The following OXSR1 variants were observed in gnomAD, a reference collection of about 807,000 sequenced individuals.
The protein encoded by OXSR1 is oxidative stress responsive kinase 1, also known as serine/threonine-protein kinase OSR1.
A neutral mutation model predicts 79.8 loss-of-function variants in OXSR1; 24 were observed. The ratio of observed to expected loss-of-function variants is 0.30; its 90% CI spans 0.22 to 0.42. The LOEUF is 0.42. Ranked by LOEUF, OXSR1 falls within the 10% of genes least tolerant of loss-of-function variation. The pLI, the probability that OXSR1 is intolerant of heterozygous loss-of-function variation, is 1.00. For missense variants in OXSR1, 430 were observed against 618.4 expected, an observed-to-expected ratio of 0.70 and a Z score of 3.23; for synonymous variants, 226 against 209.2, an observed-to-expected ratio of 1.08 and a Z score of -0.69.
intron 8 of OXSR1, among the ~76,000 whole-genome samples, chr3:38,228,480 T>C (rs562974428): frequency 6.6e-6 from 1 of 152,310 alleles, no homozygotes; most frequent in East Asian, 1.9e-4. Flanking sequence ...GAATGCCTAT[T>C]GGAATTACCT....
intron 11 of OXSR1, among the ~76,000 whole-genome samples, chr3:38,237,347 C>T (rs949669006): frequency 7.2e-5 from 11 of 152,140 alleles, no homozygotes; most frequent in Non-Finnish European, 1.3e-4. Flanking sequence ...ATCTCTTATT[C>T]AGTTGGTATA....
chr3:38,244,000 G>A (rs903875287), intron 12 of OXSR1, among the ~76,000 whole-genome samples: 16 of 152,142 alleles, frequency 1.1e-4, no homozygotes, highest in Non-Finnish European at 1.8e-4. Context: ...GGATGATACC[G>A]AGCTTGTTAG....
chr3:38,181,506 C>A lies in OXSR1; in HGVS notation c.71-1497C>A, dbSNP rs1350883209. On this transcript the variant is annotated intron_variant, in intron 1 of 17. Transcript: ENST00000311806. ...GAGTAGCTGGGATTACAGGCACCCA[C>A]CACCACACCCAGCTAATTTTTGTAT... is the stretch of plus-strand genomic sequence containing the variant. 2.0e-5 allele frequency among the ~76,000 whole-genome samples: 3 copies of A among 151,910 alleles called. 1 individual carries two copies. Among genetic ancestry groups the A allele is most frequent in the Non-Finnish European group, 4.4e-5 (3 of 67,964 alleles).
rs141794705 is a variant in OXSR1 at position 38,190,775 on chromosome 3, A to G, written c.228A>G (p.Val76=). 109 of 1,609,508 alleles carry G rather than the reference A, an allele frequency of 6.8e-5. No homozygotes were observed. Among genetic ancestry groups the G allele is most frequent in the Middle Eastern group, 3.3e-4 (2 of 6,074 alleles). Residue 76 remains valine, a synonymous_variant, in exon 3 of 18, where the codon GTA becomes GTG. Transcript: ENST00000311806. ...GTCAATGCCATCATCCTAATATTGT[A>G]TCTTACTACACATCTTTTGTGGTAA... is the stretch of plus-strand genomic sequence containing the variant. The part of the protein sequence containing the change: ...AMSQCHHPNI[V]SYYTSFVVKD...
At chr3:38,174,864 G>A (rs1315574009) in intron 1 of OXSR1, among the ~76,000 whole-genome samples, 1 of 152,204 alleles carries the variant, frequency 6.6e-6, no homozygotes, top group Non-Finnish European at 1.5e-5. Flanking sequence ...ACAGGAGAGC[G>A]AGTGATGATT....
At position 38,254,114 on chromosome 3, in the gene OXSR1, C is replaced by T. The variant is rs1559532389; in HGVS notation, c.*1223C>T. ...CCGTTTCATAGTCTTTGTCTAACTG[C>T]TAGTAACCCTACCGAGTTTTATATA... is the stretch of plus-strand genomic sequence containing the variant. On this transcript the variant is annotated 3_prime_UTR_variant, in exon 18 of 18. Coordinates refer to ENST00000311806, the MANE Select transcript of OXSR1 (RefSeq NM_005109.3). The T allele has an allele frequency of 2.5e-6, 1 of 398,520 alleles. No homozygotes were observed. Among genetic ancestry groups the T allele is most frequent in the East Asian group, 3.6e-5 (1 of 28,062 alleles). The allele number at this position is 398,520 out of a possible 1,614,324, so 24.7% of individuals were successfully genotyped here.
At chr3:38,196,288 T>G (rs1702071019) in intron 3 of OXSR1, among the ~76,000 whole-genome samples, 1 of 152,212 alleles carries the variant, frequency 6.6e-6, no homozygotes. Flanking sequence ...CACCTTTCTC[T>G]TAGCTGACCT....
At chr3:38,209,008 G>T (rs1702330100) in intron 4 of OXSR1, among the ~76,000 whole-genome samples, 1 of 152,190 alleles carries the variant, frequency 6.6e-6, no homozygotes, top group South Asian at 2.1e-4. Context: ...GCGCGCATGT[G>T]CATGTTTGGT....
chr3:38,202,734 A>G (rs1387716939), intron 4 of OXSR1, among the ~76,000 whole-genome samples: 1 of 152,216 alleles, frequency 6.6e-6, no homozygotes, highest in Non-Finnish European at 1.5e-5. Flanking sequence ...TTGCATTACT[A>G]ATATAACTTA....
At position 38,244,666 on chromosome 3, in the gene OXSR1, T is replaced by TGC. The variant is rs1553639105; in HGVS notation, c.1111-1407_1111-1406dup. Among the ~76,000 whole-genome samples the TGC allele has an allele frequency of 2.4e-4, 34 of 143,956 alleles. No homozygotes were observed. In the East Asian group the frequency reaches 2.8e-3, roughly 12 times the overall value. 94.4% of individuals were successfully genotyped at this position (143,956 alleles called of 152,430 possible). On this transcript the variant is annotated intron_variant, in intron 12 of 17. Transcript: ENST00000311806. ...GTGTGTGTGTGTGTGTGTGTGTGTG[T>TGC]GCGTGCGCATGTACCACATTTTATT...
Position 38,178,147 on chromosome 3 carries a change from C to T in OXSR1, c.71-4856C>T, listed in dbSNP as rs1250346989. Among the ~76,000 whole-genome samples, 3 of 150,594 alleles carry T rather than the reference C, an allele frequency of 2.0e-5. No homozygotes were observed. The East Asian group carries it at 6.0e-4, about 30-fold the overall frequency. On this transcript the variant is annotated intron_variant, in intron 1 of 17. Coordinates refer to ENST00000311806, the MANE Select transcript of OXSR1 (RefSeq NM_005109.3). ...TATTGTTTTAATAGAGACAGGGATT[C>T]GCCATGTTGGCCAGGCTGGTCTCGA...
At chr3:38,181,452 T>C (rs1449364330) in intron 1 of OXSR1, among the ~76,000 whole-genome samples, 2 of 150,360 alleles carry the variant, frequency 1.3e-5, no homozygotes, top group African/African-American at 2.5e-5. Flanking sequence ...GCCTCCCAGG[T>C]TCAAGTCATT....
chr3:38,203,652 CTT>C (rs1185362242), intron 4 of OXSR1, among the ~76,000 whole-genome samples: 1 of 152,132 alleles, frequency 6.6e-6, no homozygotes, highest in Admixed American at 6.5e-5. Flanking sequence ...GGCAGAGACT[CTT>C]TTTCTCTTTC....
chr3:38,201,448 C>T (rs1353558600), intron 4 of OXSR1, among the ~76,000 whole-genome samples: 2 of 151,976 alleles, frequency 1.3e-5, no homozygotes, highest in African/African-American at 2.4e-5. Context: ...TGGTGACTCA[C>T]GCCTGTAATC....
chr3:38,223,826 T>C lies in OXSR1; in HGVS notation c.615T>C (p.Asp205=), dbSNP rs1051174393. ...CTGTTTTGCAGGTCCGTGGTTATGA[T>C]TTCAAAGCTGATATTTGGAGTTTTG... ...PEVMEQVRGY[D]FKADIWSFGI... Residue 205 remains aspartate (D), a synonymous_variant, in exon 7 of 18, where the codon GAT becomes GAC. Coordinates refer to ENST00000311806, the MANE Select transcript of OXSR1 (RefSeq NM_005109.3). 2 of 1,610,466 alleles carry C rather than the reference T, an allele frequency of 1.2e-6. No individual in the cohort carries two copies. Among genetic ancestry groups the C allele is most frequent in the African/African-American group, 2.7e-5 (2 of 74,728 alleles).
intron 1 of OXSR1, among the ~76,000 whole-genome samples, chr3:38,182,232 G>A (rs1181794452): frequency 6.6e-6 from 1 of 152,192 alleles, no homozygotes; most frequent in Non-Finnish European, 1.5e-5. Flanking sequence ...ACCTGTGGAT[G>A]TGGGGCCCTG....
intron 1 of OXSR1, among the ~76,000 whole-genome samples, chr3:38,176,259 C>G (rs1230377613): frequency 1.3e-5 from 2 of 152,070 alleles, no homozygotes; most frequent in Non-Finnish European, 2.9e-5. Flanking sequence ...ATTAAGGAAC[C>G]CTGCTTTGAA....
intron 7 of OXSR1, 76 bp downstream of exon 7, chr3:38,223,989 T>G (rs1412628470): frequency 2.5e-6 from 2 of 816,052 alleles, no homozygotes; most frequent in Non-Finnish European, 3.9e-6. Flanking sequence ...GTCTTTTAAT[T>G]TTTTTTTTAT....
intron 4 of OXSR1, among the ~76,000 whole-genome samples, chr3:38,201,806 G>T (rs1225037255): frequency 6.6e-6 from 1 of 152,168 alleles, no homozygotes; most frequent in East Asian, 1.9e-4. Flanking sequence ...TGAGGCTGCA[G>T]TGAGCTGTGA....
Sources: allele counts gnomAD v4.1 joint callset (sites outside exome capture counted in the v4.1 genomes callset), GRCh38; gene constraint gnomAD v4.1.1; transcripts MANE v1.5; gene names NCBI Gene and HGNC (gene_info 2026-07-23, HGNC 2026-07-21).